The following SHISA9 variants were observed in gnomAD, a reference collection of about 807,000 sequenced individuals.
SHISA9 encodes the protein shisa family member 9.
A neutral mutation model predicts 38.0 loss-of-function variants in SHISA9; 13 were observed. The ratio of observed to expected loss-of-function variants is 0.34; its 90% CI spans 0.22 to 0.54. The LOEUF is 0.54. SHISA9 is among the 20% of genes least tolerant of loss of function. The pLI, the probability that SHISA9 is intolerant of heterozygous loss-of-function variation, is 0.91. For synonymous variants in SHISA9, 275 were observed against 242.0 expected, an observed-to-expected ratio of 1.14 and a Z score of -1.27; for missense variants, 538 against 575.8, an observed-to-expected ratio of 0.93 and a Z score of 0.67.
chr16:13,426,386 A>T, the SHISA9 span, among the ~76,000 whole-genome samples: 107,695 of 151,926 alleles, frequency 0.71, 38,359 homozygotes, highest in East Asian at 0.81. Context: ...CAGAATGCAG[A>T]TCTCTCTCAC....
the SHISA9 span, among the ~76,000 whole-genome samples, chr16:13,524,955 G>A: frequency 6.6e-6 from 1 of 152,188 alleles, no homozygotes; most frequent in South Asian, 2.1e-4. Context: ...AACCCAAAAT[G>A]TTTCCAGACG....
chr16:13,553,913 C>G, the SHISA9 span, among the ~76,000 whole-genome samples: 2 of 152,248 alleles, frequency 1.3e-5, no homozygotes, highest in Admixed American at 1.3e-4. Flanking sequence ...TGATCCACAT[C>G]TCATTGTGAC....
At chr16:13,018,345 C>T (rs542643146) in intron 2 of SHISA9, among the ~76,000 whole-genome samples, 6 of 152,214 alleles carry the variant, frequency 3.9e-5, no homozygotes, top group Non-Finnish European at 8.8e-5. Flanking sequence ...GCCCTGCTTC[C>T]TGAAGAAGCT....
chr16:13,272,222 T>C, the SHISA9 span, among the ~76,000 whole-genome samples: 1 of 152,036 alleles, frequency 6.6e-6, no homozygotes, highest in Admixed American at 6.6e-5. Flanking sequence ...GCTCAATAAA[T>C]TTTTTTATAA....
intron 2 of SHISA9, among the ~76,000 whole-genome samples, chr16:13,163,734 T>C (rs2050614021): frequency 6.6e-6 from 1 of 152,094 alleles, no homozygotes; most frequent in South Asian, 2.1e-4. Context: ...CCTTAAATAT[T>C]TAATATTTTT....
intron 2 of SHISA9, among the ~76,000 whole-genome samples, chr16:13,019,453 C>T (rs867088206): frequency 2.6e-5 from 4 of 151,812 alleles, no homozygotes; most frequent in Non-Finnish European, 4.4e-5. Context: ...AGCTCTCTGG[C>T]GTCTCTTTTT....
At chr16:13,166,471 C>T (rs1596695461) in intron 2 of SHISA9, among the ~76,000 whole-genome samples, 1 of 152,188 alleles carries the variant, frequency 6.6e-6, no homozygotes, top group African/African-American at 2.4e-5. Context: ...GAGACTTTTC[C>T]TAGCCACTTC....
the SHISA9 span, among the ~76,000 whole-genome samples, chr16:13,290,331 T>G: frequency 6.6e-6 from 1 of 152,134 alleles, no homozygotes; most frequent in South Asian, 2.1e-4. Flanking sequence ...AGTCACACTT[T>G]CCTGAATTGG....
chr16:13,414,517 A>G, the SHISA9 span, among the ~76,000 whole-genome samples: 18 of 152,206 alleles, frequency 1.2e-4, no homozygotes, highest in Non-Finnish European at 2.4e-4. Flanking sequence ...TTAAAAGACA[A>G]GGAATGAGGC....
intron 2 of SHISA9, among the ~76,000 whole-genome samples, chr16:13,148,689 GCA>G (rs3075124): frequency 0.019 from 2,561 of 132,446 alleles, 48 homozygotes; most frequent in African/African-American, 0.063. Context: ...ACATACACAA[GCA>G]CACACACACA....
chr16:13,040,878 C>G (rs1314433125), intron 2 of SHISA9, among the ~76,000 whole-genome samples: 1 of 152,114 alleles, frequency 6.6e-6, no homozygotes, highest in African/African-American at 2.4e-5. Flanking sequence ...CTTTGCAAGC[C>G]TTTTTCTAGG....
the SHISA9 span, among the ~76,000 whole-genome samples, chr16:13,484,096 C>T: frequency 6.6e-6 from 1 of 152,180 alleles, no homozygotes; most frequent in South Asian, 2.1e-4. Flanking sequence ...GATGCTATCT[C>T]CAGGCAGATA....
the SHISA9 span, among the ~76,000 whole-genome samples, chr16:13,343,413 A>G: frequency 1.3e-5 from 2 of 152,132 alleles, no homozygotes; most frequent in Admixed American, 6.5e-5. Context: ...TAAAATGCTA[A>G]TCATCATCTA....
intron 2 of SHISA9, among the ~76,000 whole-genome samples, chr16:13,014,245 G>T (rs1432554164): frequency 6.6e-6 from 1 of 152,176 alleles, no homozygotes; most frequent in East Asian, 1.9e-4. Flanking sequence ...CCTGAATCCA[G>T]AGCCATCCTC....
the SHISA9 span, among the ~76,000 whole-genome samples, chr16:13,299,247 T>A: frequency 2.5e-4 from 38 of 152,216 alleles, no homozygotes; most frequent in Non-Finnish European, 4.4e-5. Flanking sequence ...GCTTCCCTTG[T>A]ACAGACAGTC....
intron 1 of SHISA9, chr16:12,911,426 C>T: frequency 2.1e-6 from 2 of 954,932 alleles, no homozygotes; most frequent in African/African-American, 3.5e-5. Context: ...AATATATGCA[C>T]ATTTATAAGC....
chr16:13,050,833 C>G (rs905713768), intron 2 of SHISA9, among the ~76,000 whole-genome samples: 3 of 152,148 alleles, frequency 2.0e-5, no homozygotes, highest in African/African-American at 7.2e-5. Flanking sequence ...TCCTAATCTC[C>G]TAAAGATTCA....
At chr16:13,039,016 C>G (rs966208292) in intron 2 of SHISA9, among the ~76,000 whole-genome samples, 4 of 152,162 alleles carry the variant, frequency 2.6e-5, no homozygotes, top group African/African-American at 7.2e-5. Flanking sequence ...TCAAGTGATT[C>G]TCCTGCCTCA....
chr16:12,920,717 A>G (rs576562372), intron 2 of SHISA9, among the ~76,000 whole-genome samples: 2 of 152,214 alleles, frequency 1.3e-5, no homozygotes, highest in Non-Finnish European at 2.9e-5. Context: ...CCCAATATCA[A>G]CATTTGACAT....
Sources: gnomAD v4.1 joint callset for allele counts (sites outside exome capture counted in the v4.1 genomes callset) on GRCh38, gnomAD v4.1.1 for gene constraint, MANE v1.5 for transcripts, NCBI Gene and HGNC (gene_info 2026-07-23, HGNC 2026-07-21) for gene names.